The following SPMIP3 variants were observed in gnomAD, a reference collection of about 807,000 sequenced individuals.
SPMIP3 encodes sperm microtubule inner protein 3.
chr1:244,355,586 C>T, the SPMIP3 span, among the ~76,000 whole-genome samples: 1 of 152,136 alleles, frequency 6.6e-6, no homozygotes, highest in African/African-American at 2.4e-5. Flanking sequence ...CAGAGTTTCA[C>T]CATGTTGGCC....
chr1:244,377,454 C>T, the SPMIP3 span, among the ~76,000 whole-genome samples: 1 of 152,178 alleles, frequency 6.6e-6, no homozygotes, highest in African/African-American at 2.4e-5. Context: ...ATGGCATTCC[C>T]ACATATTTCT....
chr1:244,379,566 G>A, the SPMIP3 span, among the ~76,000 whole-genome samples: 2 of 152,116 alleles, frequency 1.3e-5, no homozygotes. Context: ...TAAACATACT[G>A]TTAAGGGAAC....
At chr1:244,378,270 T>A in the SPMIP3 span, among the ~76,000 whole-genome samples, 3 of 151,928 alleles carry the variant, frequency 2.0e-5, no homozygotes, top group African/African-American at 7.3e-5. Flanking sequence ...GGAGGGATGC[T>A]AAAGGGAAGA....
chr1:244,379,437 C>G, the SPMIP3 span, among the ~76,000 whole-genome samples: 1 of 151,750 alleles, frequency 6.6e-6, no homozygotes, highest in Admixed American at 6.6e-5. Flanking sequence ...AACTCCTGGC[C>G]TCAAGCAATC....
chr1:244,388,385 C>T, the SPMIP3 span, among the ~76,000 whole-genome samples: 1 of 143,542 alleles, frequency 7.0e-6, no homozygotes, highest in East Asian at 2.2e-4. Flanking sequence ...CCCATCCTTC[C>T]CCCCAGACGT....
the SPMIP3 span, among the ~76,000 whole-genome samples, chr1:244,377,363 C>T: frequency 2.6e-5 from 4 of 152,134 alleles, no homozygotes; most frequent in Non-Finnish European, 2.9e-5. Context: ...CTTCATGATC[C>T]GCCTGCCTCG....
the SPMIP3 span, chr1:244,376,608 C>T: frequency 2.6e-5 from 4 of 152,112 alleles, no homozygotes; most frequent in African/African-American, 9.7e-5. Context: ...CAAAGTGGGA[C>T]GGGATGGGTA....
At chr1:244,367,988 T>C in the SPMIP3 span, among the ~76,000 whole-genome samples, 1 of 152,164 alleles carries the variant, frequency 6.6e-6, no homozygotes, top group African/African-American at 2.4e-5. Context: ...TGAGACAAAG[T>C]CTTGCGCTGT....
the SPMIP3 span, among the ~76,000 whole-genome samples, chr1:244,378,991 C>T: frequency 3.9e-5 from 6 of 152,138 alleles, no homozygotes; most frequent in East Asian, 1.9e-4. Flanking sequence ...TGCAGTGGTG[C>T]GATCTCGGCT....
At chr1:244,363,619 C>T in the SPMIP3 span, among the ~76,000 whole-genome samples, 2 of 152,106 alleles carry the variant, frequency 1.3e-5, no homozygotes, top group African/African-American at 2.4e-5. Flanking sequence ...ACTGGTAAAG[C>T]TATGTCAGTC....
chr1:244,358,892 G>T, the SPMIP3 span, among the ~76,000 whole-genome samples: 8 of 152,022 alleles, frequency 5.3e-5, no homozygotes, highest in African/African-American at 1.7e-4. Context: ...TTCTATTAAG[G>T]CAACTAAAAA....
the SPMIP3 span, among the ~76,000 whole-genome samples, chr1:244,383,682 A>C: frequency 4.6e-5 from 7 of 152,314 alleles, no homozygotes; most frequent in East Asian, 1.3e-3. Flanking sequence ...AAACAGGTTC[A>C]TAGAGAGTAC....
the SPMIP3 span, among the ~76,000 whole-genome samples, chr1:244,388,507 G>A: frequency 3.3e-5 from 5 of 151,774 alleles, no homozygotes; most frequent in South Asian, 8.3e-4. Flanking sequence ...TTTGAACTTT[G>A]TTTATTCTGT....
the SPMIP3 span, among the ~76,000 whole-genome samples, chr1:244,360,564 G>A: frequency 4.0e-3 from 62 of 15,520 alleles, 1 homozygote; most frequent in East Asian, 0.017. Context: ...ACACATGCAT[G>A]CATGGAATAT....
chr1:244,357,430 T>C, the SPMIP3 span, among the ~76,000 whole-genome samples: 1 of 151,688 alleles, frequency 6.6e-6, no homozygotes, highest in African/African-American at 2.4e-5. Context: ...AATACTGGGC[T>C]GGGCGCAGGG....
At chr1:244,379,301 A>C in the SPMIP3 span, among the ~76,000 whole-genome samples, 4 of 151,552 alleles carry the variant, frequency 2.6e-5, no homozygotes, top group Admixed American at 2.0e-4. Flanking sequence ...TCCTGGCCTA[A>C]AGCAATCCTC....
the SPMIP3 span, among the ~76,000 whole-genome samples, chr1:244,368,295 C>T: frequency 6.6e-6 from 1 of 152,128 alleles, no homozygotes; most frequent in African/African-American, 2.4e-5. Flanking sequence ...CCTGTCTCAC[C>T]CCCTGGAATA....
At chr1:244,360,106 TA>T in the SPMIP3 span, among the ~76,000 whole-genome samples, 3,977 of 145,780 alleles carry the variant, frequency 0.027, 110 homozygotes, top group South Asian at 0.083. Context: ...AGACGCCATC[TA>T]AAAAAAAAAA....
the SPMIP3 span, among the ~76,000 whole-genome samples, chr1:244,388,650 A>G: frequency 6.6e-6 from 1 of 152,340 alleles, no homozygotes; most frequent in South Asian, 2.1e-4. Flanking sequence ...AAAATAATGC[A>G]CTGATAATGT....
Sources: gnomAD v4.1 joint callset for allele counts (sites outside exome capture counted in the v4.1 genomes callset) on GRCh38, gnomAD v4.1.1 for gene constraint, MANE v1.5 for transcripts, NCBI Gene and HGNC (gene_info 2026-07-23, HGNC 2026-07-21) for gene names.